Variants in NEK11 observed in about 807,000 individuals in gnomAD.
NEK11 encodes the protein NIMA related kinase 11.
Under a neutral mutation model 80.7 loss-of-function variants are expected in NEK11, and 72 were observed. The observed-to-expected ratio is 0.89, with a 90% CI of 0.74 to 1.08. The LOEUF is 1.08. Ranked by LOEUF, NEK11 falls within the 50% of genes least tolerant of loss-of-function variation. The pLI is 0.00. For synonymous variants in NEK11, 251 were observed against 260.7 expected (o/e 0.96, Z 0.36); for missense variants, 764 against 763.6 (o/e 1.00, Z -0.01).
chr3:131,111,462 C>T (rs2080119969), intron 5 of NEK11, among the ~76,000 whole-genome samples: 1 of 152,024 alleles, frequency 6.6e-6, no homozygotes, highest in Non-Finnish European at 1.5e-5. Context: ...TTCATTCATT[C>T]CTTCATTAGA....
Position 131,117,050 on chromosome 3 carries a change from A to T in NEK11, c.455+7129A>T, listed in dbSNP as rs147419669. ...GGTGTTTTAGTCATGAAGTCCTTGC[A>T]CATGCCTATGTCCTGAATGGTATTG... On this transcript the variant is annotated intron_variant, in intron 5 of 17. Transcript: ENST00000383366. Among the ~76,000 whole-genome samples the T allele has an allele frequency of 1.7e-3, 258 of 152,176 alleles. 1 individual carries two copies. The highest frequency in any genetic ancestry group is 2.8e-3 in the Non-Finnish European group (192 of 67,978).
chr3:131,348,203 C>T (rs1199003328), intron 17 of NEK11, among the ~76,000 whole-genome samples: 1 of 152,006 alleles, frequency 6.6e-6, no homozygotes, highest in Non-Finnish European at 1.5e-5. Context: ...AAATATTCCC[C>T]TAAAATGTAA....
At chr3:131,208,733 A>T (rs1165327301) in intron 14 of NEK11, among the ~76,000 whole-genome samples, 2 of 152,146 alleles carry the variant, frequency 1.3e-5, no homozygotes, top group Admixed American at 6.5e-5. Flanking sequence ...GCAATTGTGA[A>T]TGGGAGTTCA....
At chr3:131,099,177 A>G (rs544189168) in intron 4 of NEK11, among the ~76,000 whole-genome samples, 2 of 152,340 alleles carry the variant, frequency 1.3e-5, no homozygotes, top group African/African-American at 4.8e-5. Context: ...GTCCAGTTTC[A>G]GTCTTCTGCA....
intron 16 of NEK11, among the ~76,000 whole-genome samples, chr3:131,255,277 T>C (rs1366439099): frequency 6.6e-6 from 1 of 152,162 alleles, no homozygotes; most frequent in Non-Finnish European, 1.5e-5. Context: ...TCTTCTGTCT[T>C]TCTTACTGAG....
chr3:131,094,525 T>C (rs1169870048), intron 4 of NEK11, among the ~76,000 whole-genome samples: 1 of 152,196 alleles, frequency 6.6e-6, no homozygotes. Flanking sequence ...CCTAATACCA[T>C]TGTGTTTGTA....
At chr3:131,042,892 G>C (rs1429758065) in intron 3 of NEK11, among the ~76,000 whole-genome samples, 2 of 152,156 alleles carry the variant, frequency 1.3e-5, no homozygotes, top group Non-Finnish European at 2.9e-5. Context: ...GTGCCACTCT[G>C]GGATGAGGCT....
chr3:131,259,973 C>A (rs1420151914), intron 16 of NEK11, among the ~76,000 whole-genome samples: 1 of 152,094 alleles, frequency 6.6e-6, no homozygotes, highest in Non-Finnish European at 1.5e-5. Context: ...TTCTGATGTC[C>A]ACTATTGTCA....
At chr3:131,277,557 T>C (rs1315103400) in intron 17 of NEK11, among the ~76,000 whole-genome samples, 1 of 152,208 alleles carries the variant, frequency 6.6e-6, no homozygotes. Flanking sequence ...GCAAATGACT[T>C]TGTCGTCTCC....
chr3:131,319,587 T>A (rs1045341414), intron 17 of NEK11, among the ~76,000 whole-genome samples: 1 of 152,116 alleles, frequency 6.6e-6, no homozygotes, highest in Non-Finnish European at 1.5e-5. Context: ...AACTTGGTGG[T>A]GGGTCTGTAG....
chr3:131,115,902 T>TTTTCCTTCTTTC (rs2080945633), intron 5 of NEK11, among the ~76,000 whole-genome samples: 1 of 70,170 alleles, frequency 1.4e-5, no homozygotes, highest in Non-Finnish European at 2.9e-5. Context: ...AAAGGTAGTG[T>TTTTCCTTCTTTC]TTTCTTTCTT....
intron 14 of NEK11, among the ~76,000 whole-genome samples, chr3:131,202,007 G>T (rs1428817733): frequency 6.6e-6 from 1 of 151,962 alleles, no homozygotes; most frequent in Non-Finnish European, 1.5e-5. Context: ...GCTAATTTTT[G>T]TATTTTTAGT....
intron 14 of NEK11, among the ~76,000 whole-genome samples, chr3:131,181,453 T>C (rs1314640183): frequency 6.6e-6 from 1 of 152,122 alleles, no homozygotes; most frequent in Admixed American, 6.5e-5. Flanking sequence ...AACTAAAAGA[T>C]AACTTTGTGT....
chr3:131,149,926 C>T (rs748108073), intron 7 of NEK11, among the ~76,000 whole-genome samples: 26 of 151,446 alleles, frequency 1.7e-4, no homozygotes, highest in East Asian at 1.2e-3. Context: ...TTGACTTATA[C>T]GGTAGATATT....
chr3:131,206,401 T>A (rs1483141952), intron 14 of NEK11, among the ~76,000 whole-genome samples: 1 of 152,238 alleles, frequency 6.6e-6, no homozygotes, highest in East Asian at 1.9e-4. Flanking sequence ...AAAGGTTTAA[T>A]AGCTTTAACA....
chr3:131,294,961 CTTTATA>C (rs2096578317), intron 17 of NEK11, among the ~76,000 whole-genome samples: 1 of 152,016 alleles, frequency 6.6e-6, no homozygotes, highest in Admixed American at 6.6e-5. Flanking sequence ...TTAATTGTGT[CTTTATA>C]TTTAAAGTGA....
At chr3:131,042,862 C>G (rs1409731419) in intron 3 of NEK11, among the ~76,000 whole-genome samples, 1 of 152,308 alleles carries the variant, frequency 6.6e-6, no homozygotes, top group East Asian at 1.9e-4. Flanking sequence ...CACGGGAGAG[C>G]TCTGGCTGGC....
intron 15 of NEK11, among the ~76,000 whole-genome samples, chr3:131,240,693 A>G (rs184515516): frequency 6.6e-6 from 1 of 152,304 alleles, no homozygotes; most frequent in East Asian, 1.9e-4. Context: ...ACATTTTCTT[A>G]TATCAGTTCC....
intron 3 of NEK11, among the ~76,000 whole-genome samples, chr3:131,054,759 A>C (rs549068178): frequency 1.6e-5 from 2 of 125,764 alleles, no homozygotes; most frequent in East Asian, 4.0e-4. Flanking sequence ...TAAATAAATA[A>C]ATAAATAAAT....
Sources: gnomAD v4.1 joint callset for allele counts (sites outside exome capture counted in the v4.1 genomes callset) on GRCh38, gnomAD v4.1.1 for gene constraint, MANE v1.5 for transcripts, NCBI Gene and HGNC (gene_info 2026-07-23, HGNC 2026-07-21) for gene names.